IQSEC3: variants seen among roughly 807,000 people sequenced by gnomAD.
The protein encoded by IQSEC3 is IQ motif and SEC7 domain-containing protein 3.
In IQSEC3, 50 loss-of-function variants were observed where a neutral mutation model predicts 105.4. The observed-to-expected ratio is 0.47, with a 90% CI of 0.38 to 0.60. The LOEUF is 0.60. Ranked by LOEUF, IQSEC3 falls within the 20% of genes least tolerant of loss-of-function variation. The pLI, the probability that IQSEC3 is intolerant of heterozygous loss-of-function variation, is 0.00. For missense variants in IQSEC3, 1,415 were observed against 1,630.0 expected (o/e 0.87, Z 2.27); for synonymous variants, 708 against 746.0 (o/e 0.95, Z 0.83).
chr12:98,836 G>A (rs1330240386), intron 1 of IQSEC3, among the ~76,000 whole-genome samples: 1 of 152,232 alleles, frequency 6.6e-6, no homozygotes, highest in Non-Finnish European at 1.5e-5. Context: ...GTACATGCAC[G>A]CGAAAGAGCC....
rs1017815316 is a variant in IQSEC3, at chr12:151,439, C to G, written c.2154-5586C>G. Among the ~76,000 whole-genome samples the G allele has an allele frequency of 2.6e-5, 4 of 152,294 alleles. No homozygotes were observed. In the East Asian group the frequency reaches 5.8e-4, roughly 22 times the overall value. On this transcript the variant is annotated intron_variant, in intron 5 of 13. Transcript: ENST00000538872. ...TTCTTCCTCTAAGATGCAGCTGGAT[C>G]ATTCATTCAGTTTGTTTCCACTGCT...
Position 157,113 on chromosome 12 carries a change from G to T in IQSEC3, c.2242G>T (p.Ala748Ser). The T allele has an allele frequency of 6.3e-7, 1 of 1,599,596 alleles. No individual in the cohort carries two copies. Among genetic ancestry groups the T allele is most frequent in the Non-Finnish European group, 8.5e-7 (1 of 1,172,998 alleles). Residue 748 changes from alanine (A) to serine (S), a missense_variant, in exon 6 of 14, where the codon GCT becomes TCT. Around this residue, in one of 6 missense-constraint regions of IQSEC3, gnomAD observed 213 missense variants for 306.2 expected, o/e 0.70. Coordinates refer to ENST00000538872, the MANE Select transcript of IQSEC3 (RefSeq NM_001170738.2). Reference protein sequence around the residue: ...FQAHIRVQGEAQKVERLIEAF... With the variant: ...FQAHIRVQGESQKVERLIEAF... ...GGCACACATCCGTGTGCAGGGGGAG[G>T]CTCAGAAGGTGGAGCGGCTCATTGA...
In IQSEC3 at chr12:163,504, T is replaced by G; in HGVS notation, c.2594T>G (p.Val865Gly). The stretch of plus-strand genomic sequence containing the variant: ...CCTGCCCGCGTGCAGGTGCTGTCCG[T>G]GCCCCACCGCCGCCTGGTGTGCTGC... ...SIVGMKTVLS[V>G]PHRRLVCCSR... The change falls in exon 9 of 14, where the codon GTG becomes GGG. Residue 865 changes from valine to glycine, a missense_variant. This residue lies in a region of IQSEC3 where 419 missense variants were observed against 436.2 expected (regional missense o/e 0.96). Transcript: ENST00000538872. The G allele has an allele frequency of 6.2e-7, 1 of 1,608,872 alleles. No individual in the cohort carries two copies. The highest frequency in any genetic ancestry group is 8.5e-7 in the Non-Finnish European group (1 of 1,177,850).
chr12:174,937 G>GC lies in IQSEC3; in HGVS notation c.3458dup (p.Pro1154ThrfsTer99). 1.6e-6 allele frequency: 1 copy of GC among 611,370 alleles called. No homozygotes were observed. Among genetic ancestry groups the GC allele is most frequent in the Middle Eastern group, 4.1e-4 (1 of 2,418 alleles). The allele number at this position is 611,370 out of a possible 1,614,324, so 37.9% of individuals were successfully genotyped here. A position where few individuals can be genotyped will look rare whatever the true frequency, so the allele number is the denominator to read the frequency against. ...TCACCCACCAGCCTCCGCTGCCCCCGCCCCCACCCCCCTACAACCACCCTC... is the reference window on the plus strand; with the variant it reads ...TCACCCACCAGCCTCCGCTGCCCCCGCCCCCCACCCCCCTACAACCACCCTC... On this transcript the variant is annotated frameshift_variant, in exon 14 of 14. Transcript: ENST00000538872. LOFTEE classifies it high-confidence loss of function.
At chr12:92,354 C>T (rs1470680254) in intron 1 of IQSEC3, among the ~76,000 whole-genome samples, 3 of 152,168 alleles carry the variant, frequency 2.0e-5, no homozygotes, top group Admixed American at 6.5e-5. Flanking sequence ...CCCCTCCAGC[C>T]GCAGAACTCG....
In IQSEC3 at chr12:177,157, C is replaced by G. The variant is rs1939263018; in HGVS notation, c.*2124C>G. On this transcript the variant is annotated 3_prime_UTR_variant, in exon 14 of 14. Transcript: ENST00000538872. The surrounding 1 kb of genome is among the most constrained non-coding windows in gnomAD (Gnocchi z 5.3). The stretch of plus-strand genomic sequence containing the variant: ...AGGACCCCGTCCCCTGCTCACACAG[C>G]TCTTCAAACTTACCAAGGACAGGCA... The G allele has an allele frequency of 6.8e-6, 1 of 147,828 alleles. No individual in the cohort carries two copies. The highest frequency in any genetic ancestry group is 6.7e-5 in the Admixed American group (1 of 14,894). 9.2% of individuals were successfully genotyped at this position (147,828 alleles called of 1,614,324 possible). A position where few individuals can be genotyped will look rare whatever the true frequency, so the allele number is the denominator to read the frequency against.
rs771447500 is a variant in IQSEC3 at position 174,775 on chromosome 12, C to T, written c.3291C>T (p.Val1097=). The T allele has an allele frequency of 6.3e-7, 1 of 1,589,926 alleles. No homozygotes were observed. Among genetic ancestry groups the T allele is most frequent in the Admixed American group, 1.7e-5 (1 of 59,126 alleles). ...PGTLVQCQQI[V]KVIVLDKPCL... ...CCCTGGTGCAGTGCCAGCAAATTGTCAAGGTCATTGTCCTGGACAAGCCCT... is the reference window on the plus strand; with the variant it reads ...CCCTGGTGCAGTGCCAGCAAATTGTTAAGGTCATTGTCCTGGACAAGCCCT... The change falls in exon 14 of 14, where the codon GTC becomes GTT. Residue 1097 remains valine, a synonymous_variant. Transcript: ENST00000538872.
chr12:127,471 G>A (rs1865453841), intron 3 of IQSEC3, among the ~76,000 whole-genome samples: 1 of 152,016 alleles, frequency 6.6e-6, no homozygotes, highest in African/African-American at 2.4e-5. Context: ...AGCCAAGATT[G>A]CACCACAGCA....
chr12:138,798 G>A lies in IQSEC3; in HGVS notation c.1435G>A (p.Gly479Arg), dbSNP rs782072943. 32 of 1,605,852 alleles carry A rather than the reference G, an allele frequency of 2.0e-5. 2 individuals carry two copies. In the South Asian group the frequency reaches 2.8e-4, roughly 14 times the overall value. The part of the protein sequence containing the change: ...ETPGLPPAHS[G>R]TLMMAFRDVT... ...CCCCGGCCTGCCCCCGGCCCACAGC[G>A]GGACCCTCATGATGGCTTTCCGGGA... Residue 479 changes from glycine (G) to arginine (R), a missense_variant, in exon 4 of 14, where the codon GGG becomes AGG. This residue lies in a region of IQSEC3 where 720 missense variants were observed against 633.0 expected (regional missense o/e 1.14). Transcript: ENST00000538872. This position sits in a 1 kb window ranked among gnomAD's most constrained non-coding sequence, Gnocchi z 7.1.
chr12:173,072 G>T (rs549098934), intron 13 of IQSEC3, among the ~76,000 whole-genome samples: 248 of 152,332 alleles, frequency 1.6e-3, no homozygotes, highest in African/African-American at 5.7e-3. Context: ...CTCAGGCCCC[G>T]TGTCTCCTGG....
Position 99,158 on chromosome 12 carries a change from G to T in IQSEC3, c.567G>T (p.Val189=). ...VLSRRPENET[V]LHQFCCPAAD... ...GCTCTGCCCGCAGGAATGAGACCGTGCTGCACCAGTTCTGCTGCCCAGCCG... is the reference window on the plus strand; with the variant it reads ...GCTCTGCCCGCAGGAATGAGACCGTTCTGCACCAGTTCTGCTGCCCAGCCG... The change falls in exon 2 of 14, where the codon GTG becomes GTT. Residue 189 remains valine (V), a synonymous_variant. Coordinates refer to ENST00000538872, the MANE Select transcript of IQSEC3 (RefSeq NM_001170738.2). The T allele has an allele frequency of 6.3e-7, 1 of 1,598,842 alleles. No homozygotes were observed. The highest frequency in any genetic ancestry group is 8.5e-7 in the Non-Finnish European group (1 of 1,179,712).
In IQSEC3 at chr12:138,545, C is replaced by T. The variant is rs782081189; in HGVS notation, c.1182C>T (p.Thr394=). Residue 394 remains threonine (T), a synonymous_variant, in exon 4 of 14, where the codon ACC becomes ACT. Transcript: ENST00000538872. This position sits in a 1 kb window ranked among gnomAD's most constrained non-coding sequence, Gnocchi z 7.1. Reference sequence around the variant, plus strand: ...CCCTGCCGCCCACCTTCGCAGGCACCCTCACCGAGCTGGAGGACTCCTTCA... The same window carrying T: ...CCCTGCCGCCCACCTTCGCAGGCACTCTCACCGAGCTGGAGGACTCCTTCA... ...SPSLPPTFAG[T]LTELEDSFTE... The T allele has an allele frequency of 3.8e-6, 6 of 1,580,366 alleles. No homozygotes were observed. The highest frequency in any genetic ancestry group is 1.3e-5 in the African/African-American group (1 of 74,264).
At chr12:108,114 A>T (rs1565401178) in intron 2 of IQSEC3, among the ~76,000 whole-genome samples, 2 of 152,198 alleles carry the variant, frequency 1.3e-5, no homozygotes, top group Admixed American at 6.5e-5. Context: ...CCCTAACCCT[A>T]ACCCTAACCC....
intron 2 of IQSEC3, among the ~76,000 whole-genome samples, chr12:114,198 C>CA (rs1864982742): frequency 6.6e-6 from 1 of 152,188 alleles, no homozygotes; most frequent in South Asian, 2.1e-4. Context: ...AGGGAGAACT[C>CA]AAACAAGATT....
In IQSEC3 at chr12:152,874, C is replaced by T. The variant is rs1282690965; in HGVS notation, c.2154-4151C>T. On this transcript the variant is annotated intron_variant, in intron 5 of 13. Transcript: ENST00000538872. This position sits in a 1 kb window ranked among gnomAD's most constrained non-coding sequence, Gnocchi z 4.8. Reference sequence around the variant, plus strand: ...AGATGATACACCAGAAAAGACCACCCGGGAATGTGTGGTGCTCTTTACCTT... The same window carrying T: ...AGATGATACACCAGAAAAGACCACCTGGGAATGTGTGGTGCTCTTTACCTT... 2.0e-5 allele frequency among the ~76,000 whole-genome samples: 3 copies of T among 152,100 alleles called. No homozygotes were observed. Among genetic ancestry groups the T allele is most frequent in the Non-Finnish European group, 2.9e-5 (2 of 68,026 alleles).
At chr12:75,873 G>A (rs1331263084) in intron 1 of IQSEC3, among the ~76,000 whole-genome samples, 16 of 152,376 alleles carry the variant, frequency 1.1e-4, no homozygotes, top group Middle Eastern at 3.4e-3. Context: ...GAGCCCATGC[G>A]GAAAGCTGCT....
At chr12:137,196 C>T (rs1249436035) in intron 3 of IQSEC3, among the ~76,000 whole-genome samples, 1 of 152,184 alleles carries the variant, frequency 6.6e-6, no homozygotes, top group Non-Finnish European at 1.5e-5. Flanking sequence ...GAGCAGCTAA[C>T]TATGTACTGG....
At chr12:128,845 G>A (rs1005029551) in intron 3 of IQSEC3, among the ~76,000 whole-genome samples, 8 of 152,074 alleles carry the variant, frequency 5.3e-5, no homozygotes, top group South Asian at 2.1e-4. Context: ...ACCTCTGACC[G>A]CGCTGATCCT....
chr12:113,916 G>GA (rs1555080092), intron 2 of IQSEC3, among the ~76,000 whole-genome samples: 2 of 152,346 alleles, frequency 1.3e-5, no homozygotes, highest in Non-Finnish European at 1.5e-5. Flanking sequence ...GAACTTCAGG[G>GA]AATCACTGTA....
Sources: allele counts gnomAD v4.1 joint callset (sites outside exome capture counted in the v4.1 genomes callset), GRCh38; gene constraint gnomAD v4.1.1; regional missense constraint gnomAD v4.1.1; non-coding constraint Gnocchi (gnomAD v3.1); transcripts MANE v1.5; gene names NCBI Gene and HGNC (gene_info 2026-07-23, HGNC 2026-07-21).